Variants in KCTD2 observed in about 807,000 individuals in gnomAD.
KCTD2 encodes the protein BTB/POZ domain-containing protein KCTD2.
KCTD2 carries 18 observed loss-of-function variants against 27.9 expected under a neutral mutation model. That is an observed-to-expected ratio of 0.64 (90% CI 0.45 to 0.96). The LOEUF is 0.96. KCTD2 is among the 40% of genes least tolerant of loss of function. The pLI is 0.00. For missense variants in KCTD2, 280 were observed against 348.0 expected (o/e 0.80, Z 1.56); for synonymous variants, 175 against 148.4 (o/e 1.18, Z -1.30).
rs2073393274 is a variant in KCTD2, at chr17:75,060,486, G to A, written c.636+881G>A. ...GGTGATACTTTCAGAAACCAGGGTTGGAACTAACCAGACAACAGCGCGACA... is the reference window on the plus strand; with the variant it reads ...GGTGATACTTTCAGAAACCAGGGTTAGAACTAACCAGACAACAGCGCGACA... On this transcript the variant is annotated intron_variant, in intron 4 of 5. Transcript: ENST00000322444. The A allele has an allele frequency of 1.9e-6, 3 of 1,611,838 alleles. No individual in the cohort carries two copies. The East Asian group carries it at 6.7e-5, about 36-fold the overall frequency.
At chr17:75,060,578 C>A (rs1316007822) in intron 4 of KCTD2, 7 of 1,611,290 alleles carry the variant, frequency 4.3e-6, no homozygotes, top group South Asian at 1.1e-5. Context: ...TGGCAAAGAG[C>A]AGCTGGCCGG....
chr17:75,040,440 C>G (rs185784219), intron 3 of KCTD2: 69 of 441,620 alleles, frequency 1.6e-4, no homozygotes, highest in Non-Finnish European at 2.6e-4. Flanking sequence ...GCTTCATTTT[C>G]TTCATCTGAA....
chr17:75,046,700 C>T (rs1372610122), upstream of KCTD2, among the ~76,000 whole-genome samples: 2 of 152,228 alleles, frequency 1.3e-5, no homozygotes, highest in Admixed American at 1.3e-4. Context: ...ACATCAGCGG[C>T]GCCTGGGACA....
At position 75,038,867 on chromosome 17, in the gene KCTD2, T is replaced by C. The variant is rs115469710; in HGVS notation, c.-259+3510T>C. 6,797 of 1,527,614 alleles carry C rather than the reference T, an allele frequency of 4.4e-3. 277 individuals are homozygous for C. The African/African-American group carries it at 0.084, about 19-fold the overall frequency. The allele number at this position is 1,527,614 out of a possible 1,614,324, so 94.6% of individuals were successfully genotyped here. ...GAGAAGAAGCACACCCAGAACTGTATAATTATTATTTTTAATGTCCAGAAT... is the reference window on the plus strand; with the variant it reads ...GAGAAGAAGCACACCCAGAACTGTACAATTATTATTTTTAATGTCCAGAAT... On this transcript the variant is annotated intron_variant, in intron 3 of 7. Transcript: ENST00000581589.
At chr17:75,034,162 C>A (rs929198229) in intron 2 of KCTD2, 1 of 152,152 alleles carries the variant, frequency 6.6e-6, no homozygotes, top group African/African-American at 2.4e-5. Context: ...AGCTTTCGTC[C>A]GGGTAGGGCC....
In KCTD2 at chr17:75,053,858, C is replaced by CTTTTTTTTTTTT. The variant is rs71159419; in HGVS notation, c.540+768_540+779dup. Among the ~76,000 whole-genome samples the CTTTTTTTTTTTT allele has an allele frequency of 1.4e-3, 86 of 59,324 alleles. 19 individuals carry two copies. Among genetic ancestry groups the CTTTTTTTTTTTT allele is most frequent in the African/African-American group, 7.8e-3 (81 of 10,352 alleles). The allele number at this position is 59,324 out of a possible 152,430, so 38.9% of individuals were successfully genotyped here. A position where few individuals can be genotyped will look rare whatever the true frequency, so the allele number is the denominator to read the frequency against. On this transcript the variant is annotated intron_variant, in intron 3 of 5. Transcript: ENST00000322444. ...CTTCAGCAGCTGCTTGTGAACCATG[C>CTTTTTTTTTTTT]TTTTTTTTTTTTTTTTTTTTTTTTT...
intron 3 of KCTD2, among the ~76,000 whole-genome samples, chr17:75,053,447 T>A (rs1598124072): frequency 6.7e-6 from 1 of 148,954 alleles, no homozygotes; most frequent in East Asian, 2.0e-4. Context: ...TGGCCGCTCT[T>A]TTTTTTTTTA....
intron 1 of KCTD2, 52 bp downstream of exon 1, chr17:75,047,641 C>A: frequency 6.4e-7 from 1 of 1,551,994 alleles, no homozygotes. Flanking sequence ...CCTGGTTTCT[C>A]GTAGATCGGT....
chr17:75,035,845 A>T (rs889427452), intron 3 of KCTD2, among the ~76,000 whole-genome samples: 1 of 151,918 alleles, frequency 6.6e-6, no homozygotes, highest in African/African-American at 2.4e-5. Context: ...ACAAACAAAC[A>T]AACAAACAAA....
At position 75,049,309 on chromosome 17, in the gene KCTD2, T is replaced by G; in HGVS notation, c.429T>G (p.Thr143=). 3 of 1,610,192 alleles carry G rather than the reference T, an allele frequency of 1.9e-6. No individual in the cohort carries two copies. The highest frequency in any genetic ancestry group is 1.7e-6 in the Non-Finnish European group (2 of 1,176,474). Residue 143 remains threonine, a synonymous_variant, in exon 2 of 6, where the codon ACT becomes ACG. Transcript: ENST00000322444. The stretch of plus-strand genomic sequence containing the variant: ...TCCGCCACGGGAAACTCATCATCAC[T>G]AAGGAGTTGGCAGAAGAAGGTAAGC... ...NYLRHGKLII[T]KELAEEGVLE...
chr17:75,046,277 T>A (rs997891107), upstream of KCTD2, among the ~76,000 whole-genome samples: 1 of 151,594 alleles, frequency 6.6e-6, no homozygotes, highest in Non-Finnish European at 1.5e-5. Context: ...AGAGGCGGGG[T>A]TTCACTACGT....
upstream of KCTD2, chr17:75,042,481 TC>T: frequency 6.3e-7 from 1 of 1,594,312 alleles, no homozygotes; most frequent in Non-Finnish European, 8.5e-7. Flanking sequence ...CTGTTTTGTT[TC>T]TAGATTCAGT....
upstream of KCTD2, chr17:75,047,122 T>G: frequency 3.4e-5 from 9 of 266,124 alleles, no homozygotes; most frequent in East Asian, 6.7e-5. Flanking sequence ...CCCCGGGCGC[T>G]GGTTGGGGGC....
chr17:75,039,322 C>A (rs2073134767), intron 3 of KCTD2: 1 of 1,533,474 alleles, frequency 6.5e-7, no homozygotes, highest in Non-Finnish European at 9.0e-7. Flanking sequence ...CATTCTACCC[C>A]AGCAGCTGCT....
At chr17:75,060,754 C>T (rs1442611872) in intron 4 of KCTD2, 12 of 642,320 alleles carry the variant, frequency 1.9e-5, no homozygotes, top group African/African-American at 3.8e-5. Flanking sequence ...TGATTTTATA[C>T]GGATTATGCC....
At chr17:75,044,958 C>T (rs1195212865), upstream of KCTD2, among the ~76,000 whole-genome samples, 4 of 152,092 alleles carry the variant, frequency 2.6e-5, no homozygotes, top group African/African-American at 4.8e-5. Flanking sequence ...TTTAAAGTTA[C>T]CAGGGAACCA....
chr17:75,039,861 T>C (rs2073140777), intron 3 of KCTD2: 1 of 543,524 alleles, frequency 1.8e-6, no homozygotes. Flanking sequence ...CTACATTTTC[T>C]AGAGTCTTAC....
upstream of KCTD2, among the ~76,000 whole-genome samples, chr17:75,043,088 G>A (rs1272484082): frequency 6.6e-6 from 1 of 150,878 alleles, no homozygotes; most frequent in Admixed American, 6.6e-5. Flanking sequence ...CAGCCGTGGT[G>A]GCCCGCGCCA....
At position 75,032,747 on chromosome 17, in the gene KCTD2, C is replaced by T. The variant is rs890695973; in HGVS notation, c.-470+23C>T. ...AAGGCAAGGCTGAGCCCCGGGCGGG[C>T]GGGTTGGGGGAACATGCCTAGCTAG... On this transcript the variant is annotated intron_variant, in intron 1 of 7. Coordinates refer to the KCTD2 transcript ENST00000581589. The surrounding 1 kb of genome is among the most constrained non-coding windows in gnomAD (Gnocchi z 4.8). 7.1e-6 allele frequency: 1 copy of T among 140,092 alleles called. No homozygotes were observed. Among genetic ancestry groups the T allele is most frequent in the African/African-American group, 2.6e-5 (1 of 38,882 alleles). The allele number at this position is 140,092 out of a possible 1,614,324, so 8.7% of individuals were successfully genotyped here.
Sources: allele counts gnomAD v4.1 joint callset (sites outside exome capture counted in the v4.1 genomes callset), GRCh38; gene constraint gnomAD v4.1.1; non-coding constraint Gnocchi (gnomAD v3.1); transcripts MANE v1.5; gene names NCBI Gene and HGNC (gene_info 2026-07-23, HGNC 2026-07-21).